The following RAB3C variants were observed in gnomAD, a reference collection of about 807,000 sequenced individuals.
RAB3C encodes the protein ras-related protein Rab-3C.
In RAB3C, 17 loss-of-function variants were observed where a neutral mutation model predicts 26.4. That is an observed-to-expected ratio of 0.64 (90% CI 0.44 to 0.97). The LOEUF is 0.97. RAB3C is among the 50% of genes least tolerant of loss of function. RAB3C has a pLI of 0.00. For synonymous variants in RAB3C, 91 were observed against 95.9 expected (o/e 0.95, Z 0.30); for missense variants, 242 against 281.9 (o/e 0.86, Z 1.01).
chr5:58,616,931 C>T (rs1040800228), intron 1 of RAB3C, among the ~76,000 whole-genome samples: 1 of 152,134 alleles, frequency 6.6e-6, no homozygotes, highest in African/African-American at 2.4e-5. Flanking sequence ...TGTTTGAATC[C>T]TGCCTCTACT....
At chr5:58,828,469 C>A (rs1418155492) in intron 4 of RAB3C, among the ~76,000 whole-genome samples, 7 of 152,124 alleles carry the variant, frequency 4.6e-5, no homozygotes, top group Admixed American at 2.0e-4. Flanking sequence ...ATCCTCAGTC[C>A]ACCACTCCTC....
At chr5:58,593,791 G>A (rs1424347533) in intron 1 of RAB3C, among the ~76,000 whole-genome samples, 1 of 152,130 alleles carries the variant, frequency 6.6e-6, no homozygotes, top group African/African-American at 2.4e-5. Context: ...AAACAATGAA[G>A]CCATAGGAGT....
rs1744161324 is a variant in RAB3C at position 58,853,544 on chromosome 5, C to T, written c.*2193C>T. ...AGTGAAAGAGCAGAGTTTTGCTCTG[C>T]TGAAAACCCCTTCCCTGAAGAACTG... On this transcript the variant is annotated 3_prime_UTR_variant, in exon 5 of 5. Coordinates refer to ENST00000282878, the MANE Select transcript of RAB3C (RefSeq NM_138453.4). 6.6e-6 allele frequency: 1 copy of T among 152,158 alleles called. No homozygotes were observed. The highest frequency in any genetic ancestry group is 2.4e-5 in the African/African-American group (1 of 41,434). The allele number at this position is 152,158 out of a possible 1,614,324, so 9.4% of individuals were successfully genotyped here. A position where few individuals can be genotyped will look rare whatever the true frequency, so the allele number is the denominator to read the frequency against.
At chr5:58,687,994 A>G (rs925831670) in intron 2 of RAB3C, among the ~76,000 whole-genome samples, 1 of 152,154 alleles carries the variant, frequency 6.6e-6, no homozygotes, top group Non-Finnish European at 1.5e-5. Flanking sequence ...GATGAATATG[A>G]TATTTCCAAC....
intron 3 of RAB3C, among the ~76,000 whole-genome samples, chr5:58,776,727 C>A (rs1742150648): frequency 6.6e-6 from 1 of 152,132 alleles, no homozygotes; most frequent in African/African-American, 2.4e-5. Context: ...TCCCACTCCA[C>A]TGGATATCAC....
chr5:58,698,157 A>G (rs150684750), intron 2 of RAB3C, among the ~76,000 whole-genome samples: 18,413 of 152,090 alleles, frequency 0.12, 1,433 homozygotes, highest in Non-Finnish European at 0.17. Flanking sequence ...TTGTCTGTAA[A>G]GGATTTTATT....
At chr5:58,597,107 A>ATATATATATATAT (rs1561260589) in intron 1 of RAB3C, among the ~76,000 whole-genome samples, 1 of 32,136 alleles carries the variant, frequency 3.1e-5, no homozygotes, top group Non-Finnish European at 4.9e-5. Context: ...TATATTATAT[A>ATATATATATATAT]ATATATATAA....
chr5:58,719,360 T>C (rs2111909936), intron 2 of RAB3C, among the ~76,000 whole-genome samples: 1 of 152,164 alleles, frequency 6.6e-6, no homozygotes, highest in Middle Eastern at 3.4e-3. Context: ...ACATCTTTCC[T>C]GAATTCACAC....
intron 3 of RAB3C, among the ~76,000 whole-genome samples, chr5:58,726,931 T>A (rs1740902975): frequency 6.6e-6 from 1 of 151,982 alleles, no homozygotes; most frequent in Non-Finnish European, 1.5e-5. Flanking sequence ...GGACGGTTTT[T>A]CTGTGGAAGG....
chr5:58,693,322 T>TTTTATATATATA (rs1748610571), intron 2 of RAB3C, among the ~76,000 whole-genome samples: 2 of 75,238 alleles, frequency 2.7e-5, no homozygotes, highest in African/African-American at 1.3e-4. Flanking sequence ...AATTAAGAAA[T>TTTTATATATATA]TATATATATA....
chr5:58,727,375 A>G (rs1323852201), intron 3 of RAB3C, among the ~76,000 whole-genome samples: 1 of 152,046 alleles, frequency 6.6e-6, no homozygotes, highest in East Asian at 1.9e-4. Context: ...GACAAGTTTA[A>G]GATGTATATG....
At chr5:58,647,016 A>G (rs1270640814) in intron 2 of RAB3C, among the ~76,000 whole-genome samples, 1 of 152,230 alleles carries the variant, frequency 6.6e-6, no homozygotes, top group Non-Finnish European at 1.5e-5. Flanking sequence ...ATATAGAGGC[A>G]CAGTATTGCT....
intron 2 of RAB3C, among the ~76,000 whole-genome samples, chr5:58,648,184 A>G (rs1220227377): frequency 1.3e-5 from 2 of 151,724 alleles, no homozygotes; most frequent in Non-Finnish European, 2.9e-5. Flanking sequence ...TCTACATCCT[A>G]AAGTTAATTA....
In RAB3C at chr5:58,857,795, T is replaced by G. The variant is rs1245623853; in HGVS notation, c.*6444T>G. The G allele has an allele frequency of 5.9e-5, 9 of 152,174 alleles. No homozygotes were observed. In the East Asian group the frequency reaches 1.7e-3, roughly 29 times the overall value. 9.4% of individuals were successfully genotyped at this position (152,174 alleles called of 1,614,324 possible). On this transcript the variant is annotated 3_prime_UTR_variant, in exon 5 of 5. Coordinates refer to ENST00000282878, the MANE Select transcript of RAB3C (RefSeq NM_138453.4). The stretch of plus-strand genomic sequence containing the variant: ...CCATCATAAACTCATATATTCATCC[T>G]CAAACTCCCTTGTTTAATGCTAATT...
chr5:58,747,330 T>C (rs1338117382), intron 3 of RAB3C, among the ~76,000 whole-genome samples: 2 of 152,194 alleles, frequency 1.3e-5, no homozygotes, highest in Non-Finnish European at 2.9e-5. Context: ...ATGTGGGACA[T>C]ATACTAAAAA....
rs1744293555 is a variant in RAB3C at position 58,857,564 on chromosome 5, G to A, written c.*6213G>A. The A allele has an allele frequency of 6.6e-6, 1 of 152,132 alleles. No homozygotes were observed. Among genetic ancestry groups the A allele is most frequent in the African/African-American group, 2.4e-5 (1 of 41,444 alleles). 9.4% of individuals were successfully genotyped at this position (152,132 alleles called of 1,614,324 possible). On this transcript the variant is annotated 3_prime_UTR_variant, in exon 5 of 5. Coordinates refer to ENST00000282878, the MANE Select transcript of RAB3C (RefSeq NM_138453.4). ...GTTGATCACATGACATGTCTACTAAGAATTTTCACCTCTGTACTTGTATGT... is the reference window on the plus strand; with the variant it reads ...GTTGATCACATGACATGTCTACTAAAAATTTTCACCTCTGTACTTGTATGT...
chr5:58,609,494 T>A (rs957845944), intron 1 of RAB3C, among the ~76,000 whole-genome samples: 2 of 152,176 alleles, frequency 1.3e-5, no homozygotes, highest in Admixed American at 1.3e-4. Context: ...TGATAATACA[T>A]GTAAAGCACA....
At chr5:58,678,465 C>T (rs527383252) in intron 2 of RAB3C, among the ~76,000 whole-genome samples, 7 of 152,010 alleles carry the variant, frequency 4.6e-5, no homozygotes, top group Non-Finnish European at 1.0e-4. Flanking sequence ...TTTCATGGGA[C>T]AAGATGGCAA....
intron 2 of RAB3C, among the ~76,000 whole-genome samples, chr5:58,698,933 C>T (rs367679339): frequency 2.0e-5 from 3 of 152,292 alleles, no homozygotes; most frequent in South Asian, 4.1e-4. Flanking sequence ...TCTCTCAGCT[C>T]GTCAAAGTCA....
Sources: allele counts gnomAD v4.1 joint callset (sites outside exome capture counted in the v4.1 genomes callset), GRCh38; gene constraint gnomAD v4.1.1; transcripts MANE v1.5; gene names NCBI Gene and HGNC (gene_info 2026-07-23, HGNC 2026-07-21).